ASTN2: variants seen among roughly 807,000 people sequenced by gnomAD.
The protein encoded by ASTN2 is astrotactin 2, also known as astrotactin-2.
A neutral mutation model predicts 139.8 loss-of-function variants in ASTN2; 54 were observed. That is an observed-to-expected ratio of 0.39 (90% confidence interval 0.31 to 0.48). The LOEUF is 0.48. ASTN2 is among the 20% of genes least tolerant of loss of function. ASTN2 has a pLI of 0.95. For synonymous variants in ASTN2, 756 were observed against 719.5 expected (o/e 1.05, Z -0.81); for missense variants, 1,565 against 1,725.1 (o/e 0.91, Z 1.64).
chr9:116,896,415 C>T lies in ASTN2; in HGVS notation c.1890-32682G>A, dbSNP rs549886972. Among the ~76,000 whole-genome samples, 9 of 152,178 alleles carry T rather than the reference C, an allele frequency of 5.9e-5. No homozygotes were observed. In the East Asian group the frequency reaches 7.7e-4, roughly 13 times the overall value. On this transcript the variant is annotated intron_variant, in intron 10 of 22. Transcript: ENST00000313400. ...GCAATGGCATTATCTTGGCCTACTC[C>T]GCCTCCCAGGTTCAAGCAATCCTCC...
chr9:116,721,740 G>T (rs923620174), intron 16 of ASTN2, among the ~76,000 whole-genome samples: 1 of 152,100 alleles, frequency 6.6e-6, no homozygotes, highest in African/African-American at 2.4e-5. Context: ...AGTCCCCTAC[G>T]GACTACTGGA....
At chr9:117,214,939 C>T (rs556789748) in intron 2 of ASTN2, among the ~76,000 whole-genome samples, 197 bp from the exon 3 acceptor site, 1 of 152,266 alleles carries the variant, frequency 6.6e-6, no homozygotes, top group East Asian at 1.9e-4. Context: ...CTATGTGACC[C>T]TAGGCAAACT....
intron 10 of ASTN2, among the ~76,000 whole-genome samples, chr9:116,957,970 C>T (rs568869326): frequency 2.6e-5 from 4 of 152,278 alleles, no homozygotes; most frequent in South Asian, 2.1e-4. Flanking sequence ...TGAGCCACCC[C>T]GCCTGGCCTA....
At chr9:116,974,974 C>A (rs186545559) in intron 10 of ASTN2, among the ~76,000 whole-genome samples, 3 of 152,282 alleles carry the variant, frequency 2.0e-5, no homozygotes, top group Non-Finnish European at 2.9e-5. Context: ...AATGCATCAG[C>A]CTCTTTTATA....
At chr9:116,961,397 C>A (rs1250870580) in intron 10 of ASTN2, among the ~76,000 whole-genome samples, 1 of 152,162 alleles carries the variant, frequency 6.6e-6, no homozygotes, top group Admixed American at 6.5e-5. Context: ...CAACTCTCCG[C>A]AACCACTATT....
intron 12 of ASTN2, among the ~76,000 whole-genome samples, chr9:116,813,652 T>A (rs191087662): frequency 2.9e-4 from 44 of 152,356 alleles, no homozygotes; most frequent in East Asian, 7.7e-4. Context: ...TATTAATTTA[T>A]TCTTCAATGG....
intron 16 of ASTN2, among the ~76,000 whole-genome samples, chr9:116,669,726 C>T (rs1156273558): frequency 1.3e-5 from 2 of 151,970 alleles, no homozygotes; most frequent in East Asian, 1.9e-4. Flanking sequence ...CTTGTATTCT[C>T]ATTATCTTGA....
intron 4 of ASTN2, among the ~76,000 whole-genome samples, chr9:117,116,037 C>T (rs866224543): frequency 3.6e-5 from 5 of 140,420 alleles, no homozygotes; most frequent in Admixed American, 2.8e-4. Context: ...AAAAAAAATG[C>T]ATATATATAT....
chr9:116,923,594 G>A (rs910628874), intron 10 of ASTN2, among the ~76,000 whole-genome samples: 8 of 152,162 alleles, frequency 5.3e-5, no homozygotes, highest in Non-Finnish European at 7.3e-5. Flanking sequence ...TGGCAGAGAC[G>A]TACACCAACT....
intron 19 of ASTN2, among the ~76,000 whole-genome samples, chr9:116,579,400 G>A (rs182761040): frequency 1.8e-4 from 27 of 152,276 alleles, no homozygotes; most frequent in Admixed American, 1.2e-3. Flanking sequence ...TCTCATGACC[G>A]ATGTTATGAG....
Position 116,661,274 on chromosome 9 carries a change from T to C in ASTN2, c.2807-9481A>G, listed in dbSNP as rs895153750. ...GCCCTCTAGTGCCTACTTAAGATGA[T>C]TGCTCTGGGGAAATCTCTGTTCTGA... On this transcript the variant is annotated intron_variant, in intron 16 of 22. Coordinates refer to ENST00000313400, the MANE Select transcript of ASTN2 (RefSeq NM_001365068.1). Among the ~76,000 whole-genome samples the C allele has an allele frequency of 4.6e-5, 7 of 152,262 alleles. No homozygotes were observed. The East Asian group carries it at 1.4e-3, about 29-fold the overall frequency.
At chr9:117,179,076 C>T (rs1196508937) in intron 3 of ASTN2, among the ~76,000 whole-genome samples, 3 of 152,158 alleles carry the variant, frequency 2.0e-5, no homozygotes, top group Admixed American at 6.5e-5. Flanking sequence ...ATATGACACA[C>T]CATTAGCTCA....
rs114754713 is a variant in ASTN2, at chr9:117,380,781, G to T, written c.442+33716C>A. 1.9e-3 allele frequency among the ~76,000 whole-genome samples: 282 copies of T among 152,220 alleles called. 2 individuals are homozygous for T. The highest frequency in any genetic ancestry group is 6.4e-3 in the African/African-American group (264 of 41,516). On this transcript the variant is annotated intron_variant, in intron 1 of 22. Transcript: ENST00000313400. The stretch of plus-strand genomic sequence containing the variant: ...ATTAGCAAGTGTTGGTGAGGATCTG[G>T]AGCAAGTGGAAACCTAGTAGCTGAT...
chr9:117,161,583 G>A (rs1227011871), intron 3 of ASTN2, among the ~76,000 whole-genome samples: 4 of 151,992 alleles, frequency 2.6e-5, no homozygotes, highest in East Asian at 1.9e-4. Flanking sequence ...AAATAGAGAC[G>A]GGGTTTTGCC....
At chr9:117,267,190 T>G (rs1833956488) in intron 2 of ASTN2, among the ~76,000 whole-genome samples, 1 of 152,084 alleles carries the variant, frequency 6.6e-6, no homozygotes. Context: ...TGGAGGGACA[T>G]CCTACAAAAT....
At position 116,986,167 on chromosome 9, in the gene ASTN2, C is replaced by A. The variant is rs544709412; in HGVS notation, c.1592-9382G>T. Among the ~76,000 whole-genome samples, 140 of 137,498 alleles carry A rather than the reference C, an allele frequency of 1.0e-3. 1 individual carries two copies. In the South Asian group the frequency reaches 0.031, roughly 30 times the overall value. 90.2% of individuals were successfully genotyped at this position (137,498 alleles called of 152,430 possible). On this transcript the variant is annotated intron_variant, in intron 7 of 22. Coordinates refer to ENST00000313400, the MANE Select transcript of ASTN2 (RefSeq NM_001365068.1). Reference sequence around the variant, plus strand: ...TGTGCTGTTGTCCAGGCTGCCCCCCCCCACCCCCCTGCAGTCACGTTTCCT... The same window carrying A: ...TGTGCTGTTGTCCAGGCTGCCCCCCACCACCCCCCTGCAGTCACGTTTCCT...
At chr9:116,536,627 A>T (rs1851641357) in intron 19 of ASTN2, among the ~76,000 whole-genome samples, 1 of 152,216 alleles carries the variant, frequency 6.6e-6, no homozygotes, top group Non-Finnish European at 1.5e-5. Context: ...TCCACTCCAG[A>T]CCCTGTTTGC....
intron 10 of ASTN2, among the ~76,000 whole-genome samples, chr9:116,872,195 CT>C: frequency 6.6e-6 from 1 of 152,152 alleles, no homozygotes; most frequent in Non-Finnish European, 1.5e-5. Flanking sequence ...AACTTCTGAC[CT>C]CAGGTAATCC....
At chr9:117,267,746 C>G (rs775899995) in intron 2 of ASTN2, among the ~76,000 whole-genome samples, 31 of 152,272 alleles carry the variant, frequency 2.0e-4, no homozygotes, top group Non-Finnish European at 3.2e-4. Flanking sequence ...TTTGTTGATA[C>G]CTTTGCCTCT....
Sources: allele counts gnomAD v4.1 joint callset (sites outside exome capture counted in the v4.1 genomes callset), GRCh38; gene constraint gnomAD v4.1.1; transcripts MANE v1.5; gene names NCBI Gene and HGNC (gene_info 2026-07-23, HGNC 2026-07-21).